FASTKD2: variants seen among roughly 807,000 people sequenced by gnomAD.
FASTKD2 encodes the protein FAST kinase domains 2, also known as FAST kinase domain-containing protein 2, mitochondrial.
In FASTKD2, 51 loss-of-function variants were observed where a neutral mutation model predicts 63.6. The ratio of observed to expected loss-of-function variants is 0.80; its 90% CI spans 0.64 to 1.01. The LOEUF is 1.01. Ranked by LOEUF, FASTKD2 falls within the 50% of genes least tolerant of loss-of-function variation. The pLI is 0.00. For synonymous variants in FASTKD2, 284 were observed against 293.4 expected (o/e 0.97, Z 0.33); for missense variants, 786 against 831.1 (o/e 0.95, Z 0.67).
chr2:206,770,166 A>C lies in FASTKD2; in HGVS notation c.853A>C (p.Asn285His). 6.2e-7 allele frequency: 1 copy of C among 1,609,984 alleles called. No homozygotes were observed. The highest frequency in any genetic ancestry group is 1.1e-5 in the South Asian group (1 of 91,010). ...TVLEAMEPCK[N>H]VHVLRTGFRI... is the part of the protein sequence containing the mutation. ...TTTAGAGGCAATGGAACCATGCAAG[A>C]ATGTTCATGTTCTACGAACGGGATT... The change falls in exon 3 of 12, where the codon AAT becomes CAT. Residue 285 changes from asparagine (N) to histidine (H), a missense_variant. Coordinates refer to ENST00000402774, the MANE Select transcript of FASTKD2 (RefSeq NM_001136193.2).
intron 7 of FASTKD2, among the ~76,000 whole-genome samples, chr2:206,786,020 TTTA>T (rs1690128657): frequency 6.6e-6 from 1 of 152,210 alleles, no homozygotes; most frequent in Admixed American, 6.5e-5. Context: ...AAAGCTTCTG[TTTA>T]TTTTCTTTCC....
chr2:206,789,136 A>T (rs1690216144), intron 10 of FASTKD2: 3 of 505,382 alleles, frequency 5.9e-6, no homozygotes, highest in African/African-American at 5.8e-5. Context: ...CATTTTTTTA[A>T]AATTAGGTTT....
At chr2:206,785,762 G>A (rs769938097) in intron 7 of FASTKD2, among the ~76,000 whole-genome samples, 8 of 151,962 alleles carry the variant, frequency 5.3e-5, no homozygotes, top group African/African-American at 1.5e-4. Context: ...TCGTTTTCCT[G>A]GCCTTATCAC....
intron 7 of FASTKD2, among the ~76,000 whole-genome samples, chr2:206,781,304 ATTTTTTT>A (rs71034473): frequency 1.0e-3 from 79 of 75,920 alleles, no homozygotes; most frequent in East Asian, 8.6e-3. Context: ...TTTTTCTATG[ATTTTTTT>A]TTTTTTTTTT....
rs767304220 is a variant in FASTKD2, at chr2:206,771,945, A to G, written c.1042A>G (p.Met348Val). 9.3e-6 allele frequency: 15 copies of G among 1,611,526 alleles called. 2 individuals are homozygous for G. Among genetic ancestry groups the G allele is most frequent in the South Asian group, 6.6e-5 (6 of 91,020 alleles). Residue 348 changes from methionine (M) to valine (V), a missense_variant, in exon 5 of 12, where the codon ATG becomes GTG. By Grantham distance (21) the Met-to-Val change is conservative. Coordinates refer to ENST00000402774, the MANE Select transcript of FASTKD2 (RefSeq NM_001136193.2). Reference sequence around the variant, plus strand: ...ATTTTCTGTTTTGAATAGCCAACACATGTTTGAAGTACTAGCTGCCATGAA... The same window carrying G: ...ATTTTCTGTTTTGAATAGCCAACACGTGTTTGAAGTACTAGCTGCCATGAA... Reference protein sequence around the residue: ...DRFSVLNSQHMFEVLAAMNHR... With the variant: ...DRFSVLNSQHVFEVLAAMNHR...
At chr2:206,786,955 A>G in intron 8 of FASTKD2, 56 bp downstream of exon 8, 1 of 1,006,148 alleles carries the variant, frequency 9.9e-7, no homozygotes, top group Non-Finnish European at 1.6e-6. Flanking sequence ...CACTACCACT[A>G]GCTACCATAT....
At chr2:206,775,743 T>C (rs1689807935) in intron 7 of FASTKD2, among the ~76,000 whole-genome samples, 1 of 151,934 alleles carries the variant, frequency 6.6e-6, no homozygotes. Context: ...GTGAAGCAGT[T>C]TGGTCCTGGG....
chr2:206,787,055 A>G (rs1156304518), intron 8 of FASTKD2, among the ~76,000 whole-genome samples, 156 bp downstream of exon 8: 1 of 152,158 alleles, frequency 6.6e-6, no homozygotes, highest in Non-Finnish European at 1.5e-5. Context: ...GGTGAAGTCA[A>G]AGGATAGTGC....
intron 6 of FASTKD2, among the ~76,000 whole-genome samples, chr2:206,772,824 GT>G (rs1177416165): frequency 6.6e-6 from 1 of 152,188 alleles, no homozygotes; most frequent in East Asian, 1.9e-4. Context: ...TTCTAAGCGT[GT>G]TTAAAGTAGG....
chr2:206,770,669 G>A (rs1689650792), intron 3 of FASTKD2, among the ~76,000 whole-genome samples: 1 of 150,210 alleles, frequency 6.7e-6, no homozygotes, highest in African/African-American at 2.5e-5. Flanking sequence ...GGCAGAGCTT[G>A]CAGTGAGCTG....
At chr2:206,790,303 T>C in intron 10 of FASTKD2, 1 of 388,234 alleles carries the variant, frequency 2.6e-6, no homozygotes, top group Non-Finnish European at 4.9e-6. Context: ...CTTTCATGTC[T>C]GAAAATTTTC....
intron 8 of FASTKD2, 80 bp downstream of exon 8, chr2:206,786,979 G>T: frequency 1.1e-6 from 1 of 885,488 alleles, no homozygotes; most frequent in Admixed American, 2.1e-5. Context: ...TCTGAATGGG[G>T]TCTTAGTTGG....
At chr2:206,772,776 G>A (rs1689719762) in intron 6 of FASTKD2, among the ~76,000 whole-genome samples, 2 of 152,072 alleles carry the variant, frequency 1.3e-5, no homozygotes, top group Non-Finnish European at 2.9e-5. Flanking sequence ...TAGGCTTTTT[G>A]TTAACTCATT....
chr2:206,781,667 T>TA (rs1358424509), intron 7 of FASTKD2, among the ~76,000 whole-genome samples: 23 of 132,976 alleles, frequency 1.7e-4, no homozygotes, highest in African/African-American at 6.8e-4. Flanking sequence ...TTCTTTTTTT[T>TA]AATTTCTTTT....
intron 7 of FASTKD2, among the ~76,000 whole-genome samples, chr2:206,785,416 G>C (rs1690113895): frequency 6.6e-6 from 1 of 152,108 alleles, no homozygotes; most frequent in Non-Finnish European, 1.5e-5. Context: ...TTAAAAGATG[G>C]AGAGATGGGG....
intron 7 of FASTKD2, among the ~76,000 whole-genome samples, chr2:206,778,575 C>T (rs1431063989): frequency 6.6e-6 from 1 of 152,060 alleles, no homozygotes; most frequent in Admixed American, 6.5e-5. Context: ...ATAGTCTGTT[C>T]TTGAGAATGA....
rs1398909070 is a variant in FASTKD2, at chr2:206,792,205, C to A, written c.*403C>A. On this transcript the variant is annotated 3_prime_UTR_variant, in exon 12 of 12. Coordinates refer to ENST00000402774, the MANE Select transcript of FASTKD2 (RefSeq NM_001136193.2). Reference sequence around the variant, plus strand: ...AGCTGTTCTAAGACTTGGGGTTATGCCTTTAAATCATTTTCAAGCATTGGC... The same window carrying A: ...AGCTGTTCTAAGACTTGGGGTTATGACTTTAAATCATTTTCAAGCATTGGC... 1 of 196,490 alleles carries A rather than the reference C, an allele frequency of 5.1e-6. No homozygotes were observed. The highest frequency in any genetic ancestry group is 1.3e-4 in the East Asian group (1 of 7,444). 12.2% of individuals were successfully genotyped at this position (196,490 alleles called of 1,614,324 possible). A position where few individuals can be genotyped will look rare whatever the true frequency, so the allele number is the denominator to read the frequency against.
At position 206,766,799 on chromosome 2, in the gene FASTKD2, T is replaced by C. The variant is rs1473721601; in HGVS notation, c.106T>C (p.Ser36Pro). 6.2e-7 allele frequency: 1 copy of C among 1,613,110 alleles called. No individual in the cohort carries two copies. The highest frequency in any genetic ancestry group is 1.1e-5 in the South Asian group (1 of 90,946). Reference sequence around the variant, plus strand: ...CCTTAGACAATTCAGTACATTAGTTTCAACAAGCAGAACTATGAGGCTATG... The same window carrying C: ...CCTTAGACAATTCAGTACATTAGTTCCAACAAGCAGAACTATGAGGCTATG... ...WNLRQFSTLV[S>P]TSRTMRLCCL... Residue 36 changes from serine to proline, a missense_variant, in exon 2 of 12, where the codon TCA becomes CCA. Coordinates refer to ENST00000402774, the MANE Select transcript of FASTKD2 (RefSeq NM_001136193.2).
chr2:206,786,376 A>G (rs963491307), intron 7 of FASTKD2, among the ~76,000 whole-genome samples: 1 of 152,184 alleles, frequency 6.6e-6, no homozygotes, highest in Non-Finnish European at 1.5e-5. Flanking sequence ...GGAGCCTGAC[A>G]CCTTATGTTC....
Sources: gnomAD v4.1 joint callset for allele counts (sites outside exome capture counted in the v4.1 genomes callset) on GRCh38, gnomAD v4.1.1 for gene constraint, MANE v1.5 for transcripts, NCBI Gene and HGNC (gene_info 2026-07-23, HGNC 2026-07-21) for gene names.